The following DOK7 variants were observed in gnomAD, a reference collection of about 807,000 sequenced individuals.
The protein encoded by DOK7 is docking protein 7.
Under a neutral mutation model 30.7 loss-of-function variants are expected in DOK7, and 32 were observed. The ratio of observed to expected loss-of-function variants is 1.04; its 90% CI spans 0.79 to 1.40. The LOEUF (loss-of-function observed/expected upper bound fraction) is 1.40, where lower values mean the gene tolerates loss of function less well. Among genes scored for constraint, DOK7 ranks in the 40% most tolerant of loss-of-function variants. DOK7 has a pLI of 0.00. For synonymous variants in DOK7, 447 were observed against 324.1 expected, an observed-to-expected ratio of 1.38 and a Z score of -4.07; for missense variants, 1,007 against 699.2, an observed-to-expected ratio of 1.44 and a Z score of -4.97.
chr4:3,498,657 A>C (rs1382015089), downstream of DOK7, among the ~76,000 whole-genome samples: 1 of 146,296 alleles, frequency 6.8e-6, no homozygotes, highest in African/African-American at 2.5e-5. Flanking sequence ...CCCCTCAGCC[A>C]TGCCCCCTCC....
chr4:3,491,550 TTCATTCATTCCTTCCTTCAC>T (rs1439206957), intron 6 of DOK7, among the ~76,000 whole-genome samples: 5 of 18,270 alleles, frequency 2.7e-4, no homozygotes, highest in Non-Finnish European at 3.9e-4. Context: ...CTCCCACCTA[TTCATTCATTCCTTCCTTCAC>T]TTATGGTTCC....
downstream of DOK7, among the ~76,000 whole-genome samples, chr4:3,498,357 G>C (rs1003059690): frequency 1.3e-5 from 2 of 152,036 alleles, no homozygotes; most frequent in Non-Finnish European, 2.9e-5. Context: ...GTGTGACTCC[G>C]GGTGGTGTTG....
downstream of DOK7, chr4:3,496,879 AGTCCCCCAGAGCTCGGGGACAGGAAGGCG>A (rs1418336289): frequency 9.7e-6 from 14 of 1,439,662 alleles, no homozygotes; most frequent in African/African-American, 1.5e-5. Context: ...ACCTGGAGCC[AGTCCCCCAGAGCTCGGGGACAGGAAGGCG>A]GGAGTCTGGG....
intron 4 of DOK7, among the ~76,000 whole-genome samples, chr4:3,483,734 C>A (rs544126773): frequency 6.6e-6 from 1 of 152,320 alleles, no homozygotes; most frequent in South Asian, 2.1e-4. Flanking sequence ...CCTGGCCTTT[C>A]GTGAGAGCTG....
At chr4:3,500,434 C>A (rs1187455727) in intron 7 of DOK7, 1 of 1,533,442 alleles carries the variant, frequency 6.5e-7, no homozygotes, top group Admixed American at 2.0e-5. Flanking sequence ...GAGGCACTGA[C>A]AATTGGGGGC....
chr4:3,500,001 A>G (rs1729113336), intron 6 of DOK7, among the ~76,000 whole-genome samples: 1 of 149,004 alleles, frequency 6.7e-6, no homozygotes, highest in Non-Finnish European at 1.5e-5. Flanking sequence ...GGCACAGTGG[A>G]GGGGACAGCG....
downstream of DOK7, among the ~76,000 whole-genome samples, chr4:3,499,003 G>A (rs975549122): frequency 6.6e-6 from 1 of 152,228 alleles, no homozygotes; most frequent in Admixed American, 6.5e-5. Flanking sequence ...CTGGGAGCAA[G>A]CAAGTGAAAG....
At position 3,464,097 on chromosome 4, in the gene DOK7, G is replaced by T. The variant is rs966714730; in HGVS notation, c.100+546G>T. Among the ~76,000 whole-genome samples the T allele has an allele frequency of 2.6e-5, 4 of 152,194 alleles. No individual in the cohort carries two copies. In the East Asian group the frequency reaches 7.7e-4, roughly 29 times the overall value. On this transcript the variant is annotated intron_variant, in intron 2 of 6. Transcript: ENST00000340083. Reference sequence around the variant, plus strand: ...CTGAGCCAGCACCCCAGCTTGGGGAGGGTCAGCATGGAGCCCCCAGGTCTG... The same window carrying T: ...CTGAGCCAGCACCCCAGCTTGGGGATGGTCAGCATGGAGCCCCCAGGTCTG...
chr4:3,495,009 G>A (rs1322275522), downstream of DOK7, among the ~76,000 whole-genome samples: 1 of 152,216 alleles, frequency 6.6e-6, no homozygotes, highest in African/African-American at 2.4e-5. Context: ...GAGTTCTGGA[G>A]GGCTTCTGCA....
At chr4:3,485,252 G>C (rs1434719098) in intron 4 of DOK7, 5 of 357,796 alleles carry the variant, frequency 1.4e-5, no homozygotes, top group Non-Finnish European at 2.5e-5. Flanking sequence ...GATGGGCGGG[G>C]CAGCACTCAC....
At chr4:3,468,183 T>TG (rs201196230) in intron 2 of DOK7, among the ~76,000 whole-genome samples, 3,238 of 145,566 alleles carry the variant, frequency 0.022, 117 homozygotes, top group African/African-American at 0.084. Context: ...TACCTGTGTG[T>TG]GGGGGTGTGT....
chr4:3,478,007 G>A (rs1004025290), intron 4 of DOK7, among the ~76,000 whole-genome samples: 2 of 152,140 alleles, frequency 1.3e-5, no homozygotes, highest in Middle Eastern at 3.2e-3. Flanking sequence ...GTCCTTTGTC[G>A]TGTGGGAAGC....
At chr4:3,492,704 T>TACCC in intron 6 of DOK7, 55 bp from the exon 7 acceptor site, 1 of 1,599,492 alleles carries the variant, frequency 6.3e-7, no homozygotes, top group Non-Finnish European at 8.5e-7. Flanking sequence ...ATCAGCCACG[T>TACCC]CCTGCCCAGA....
downstream of DOK7, chr4:3,496,818 A>C: frequency 1.3e-6 from 2 of 1,533,522 alleles, no homozygotes; most frequent in South Asian, 1.2e-5. Flanking sequence ...TCTTTGGTCT[A>C]GGGAGCGGCA....
downstream of DOK7, chr4:3,496,947 T>C (rs1728943823): frequency 7.6e-5 from 12 of 158,718 alleles, no homozygotes; most frequent in South Asian, 5.5e-4. Flanking sequence ...AGAGTTTGAC[T>C]AGATGGGGAG....
intron 6 of DOK7, among the ~76,000 whole-genome samples, chr4:3,491,187 CCCTGCT>C (rs1728388100): frequency 9.4e-5 from 1 of 10,640 alleles, no homozygotes; most frequent in African/African-American, 2.3e-4. Context: ...ATTCCTTCCC[CCCTGCT>C]CATTCCTTCC....
At position 3,467,575 on chromosome 4, in the gene DOK7, G is replaced by A. The variant is rs1188789014; in HGVS notation, c.100+4024G>A. The stretch of plus-strand genomic sequence containing the variant: ...CGTGTGTGCACGTGCGTGTGTGTGT[G>A]TGAGGATGTACATGTGCACCTGTAC... On this transcript the variant is annotated intron_variant, in intron 2 of 6. Coordinates refer to ENST00000340083, the MANE Select transcript of DOK7 (RefSeq NM_173660.5). 2.6e-5 allele frequency among the ~76,000 whole-genome samples: 4 copies of A among 152,098 alleles called. No homozygotes were observed. The East Asian group carries it at 7.8e-4, about 30-fold the overall frequency.
chr4:3,485,051 G>T (rs978978038), intron 4 of DOK7, among the ~76,000 whole-genome samples: 1 of 152,196 alleles, frequency 6.6e-6, no homozygotes, highest in Non-Finnish European at 1.5e-5. Flanking sequence ...CAAGACGGCT[G>T]TGGGGGCAGG....
Position 3,492,945 on chromosome 4 carries a change from A to C in DOK7, c.959A>C (p.Lys320Thr). The change falls in exon 7 of 7, where the codon AAG becomes ACG. Residue 320 changes from lysine to threonine, a missense_variant. Lys to Thr is a moderately conservative substitution (Grantham distance 78). Coordinates refer to ENST00000340083, the MANE Select transcript of DOK7 (RefSeq NM_173660.5). ...AMVGASRPPP[K>T]PLRPRQLQEV... ...GTGGGTGCCTCAAGGCCACCCCCCA[A>C]GCCGCTGCGTCCGCGGCAGCTGCAG... The C allele has an allele frequency of 6.4e-7, 1 of 1,556,390 alleles. No homozygotes were observed. The highest frequency in any genetic ancestry group is 2.4e-5 in the East Asian group (1 of 41,626).
Sources: allele counts gnomAD v4.1 joint callset (sites outside exome capture counted in the v4.1 genomes callset), GRCh38; gene constraint gnomAD v4.1.1; transcripts MANE v1.5; gene names NCBI Gene and HGNC (gene_info 2026-07-23, HGNC 2026-07-21).